The following ALDH2 variants were observed in gnomAD, a reference collection of about 807,000 sequenced individuals.
ALDH2 encodes aldehyde dehydrogenase 2 family member, also known as aldehyde dehydrogenase, mitochondrial.
In ALDH2, 44 loss-of-function variants were observed where a neutral mutation model predicts 59.6. The observed-to-expected ratio is 0.74, with a 90% CI of 0.58 to 0.95. The LOEUF (loss-of-function observed/expected upper bound fraction) is 0.95. Ranked by LOEUF, ALDH2 falls within the 40% of genes least tolerant of loss-of-function variation. The pLI is 0.00. For missense variants in ALDH2, 570 were observed against 696.3 expected, an observed-to-expected ratio of 0.82 and a Z score of 2.04; for synonymous variants, 291 against 284.0, an observed-to-expected ratio of 1.02 and a Z score of -0.25.
At chr12:111,788,197 C>A (rs1052988986) in intron 4 of ALDH2, among the ~76,000 whole-genome samples, 1 of 151,530 alleles carries the variant, frequency 6.6e-6, no homozygotes, top group Non-Finnish European at 1.5e-5. Flanking sequence ...GAGACAAGAG[C>A]GAGACTTCGT....
chr12:111,807,005 G>C (rs1440207131), intron 12 of ALDH2, among the ~76,000 whole-genome samples: 1 of 151,894 alleles, frequency 6.6e-6, no homozygotes, highest in Non-Finnish European at 1.5e-5. Context: ...GGTGGCTCAC[G>C]CCTGTAATCC....
chr12:111,809,924 TG>T lies in ALDH2; in HGVS notation c.*350del. The T allele has an allele frequency of 2.9e-6, 1 of 350,226 alleles. No homozygotes were observed. Among genetic ancestry groups the T allele is most frequent in the Non-Finnish European group, 5.3e-6 (1 of 189,400 alleles). The allele number at this position is 350,226 out of a possible 1,614,324, so 21.7% of individuals were successfully genotyped here. A position where few individuals can be genotyped will look rare whatever the true frequency, so the allele number is the denominator to read the frequency against. The stretch of plus-strand genomic sequence containing the variant: ...ACAATTATATCACCATTAAGGCAAC[TG>T]CTACACCCTGCTTTGTATTCTGGGC... On this transcript the variant is annotated 3_prime_UTR_variant, in exon 13 of 13. Transcript: ENST00000261733.
At chr12:111,798,759 C>A (rs1248469584) in intron 10 of ALDH2, among the ~76,000 whole-genome samples, 3 of 152,050 alleles carry the variant, frequency 2.0e-5, no homozygotes, top group Non-Finnish European at 4.4e-5. Context: ...GTAATCCCAA[C>A]ACTTTGGGAG....
At chr12:111,768,925 AGTGAGCTATGATTGGG>A (rs2068178751) in intron 1 of ALDH2, among the ~76,000 whole-genome samples, 26 of 152,214 alleles carry the variant, frequency 1.7e-4, no homozygotes, top group Admixed American at 1.7e-3. Context: ...TCGAGGCTGC[AGTGAGCTATGATTGGG>A]CCACTACACT....
Position 111,790,678 on chromosome 12 carries a change from C to G in ALDH2, c.681+116C>G, listed in dbSNP as rs2068351147. On this transcript the variant is annotated intron_variant, in intron 6 of 12. Coordinates refer to ENST00000261733, the MANE Select transcript of ALDH2 (RefSeq NM_000690.4). ...CAGGGAGGTGTGTTTGTGGAGCCCC[C>G]ATCACCATGTGAACCAGAGTGGCTC... 1.7e-5 allele frequency: 23 copies of G among 1,383,232 alleles called. No individual in the cohort carries two copies. In the South Asian group the frequency reaches 2.7e-4, roughly 16 times the overall value. The allele number at this position is 1,383,232 out of a possible 1,614,324, so 85.7% of individuals were successfully genotyped here.
At chr12:111,808,412 T>C (rs2068512959) in intron 12 of ALDH2, among the ~76,000 whole-genome samples, 1 of 152,110 alleles carries the variant, frequency 6.6e-6, no homozygotes, top group African/African-American at 2.4e-5. Flanking sequence ...TGTTTAAAAA[T>C]TTAAGAAAGC....
intron 10 of ALDH2, among the ~76,000 whole-genome samples, chr12:111,798,895 G>T (rs1672253399): frequency 6.6e-6 from 1 of 151,874 alleles, no homozygotes; most frequent in African/African-American, 2.4e-5. Flanking sequence ...TGAAATCCCA[G>T]CTACTCTGGA....
At chr12:111,783,369 A>G in intron 3 of ALDH2, 71 bp downstream of exon 3, 1 of 1,523,288 alleles carries the variant, frequency 6.6e-7, no homozygotes, top group Non-Finnish European at 8.9e-7. Flanking sequence ...GTGAACAGCC[A>G]GGAACCAAGC....
chr12:111,790,345 C>T, intron 5 of ALDH2, 89 bp from the exon 6 acceptor site: 1 of 1,557,070 alleles, frequency 6.4e-7, no homozygotes, highest in East Asian at 2.2e-5. Flanking sequence ...CTCGGTGCTG[C>T]TTCTGCCCTC....
intron 1 of ALDH2, 44 bp downstream of exon 1, chr12:111,767,140 T>G (rs1026044509): frequency 5.7e-6 from 8 of 1,407,636 alleles, no homozygotes; most frequent in African/African-American, 1.5e-5. Flanking sequence ...CCGGCCCGAG[T>G]CCCCCGCAGG....
At position 111,809,874 on chromosome 12, in the gene ALDH2, A is replaced by G. The variant is rs553112128; in HGVS notation, c.*299A>G. The stretch of plus-strand genomic sequence containing the variant: ...GAAACGCTTCCTATAACTCGAGTTT[A>G]TAGGGGAAGAAAAAGCTATTGTTTA... On this transcript the variant is annotated 3_prime_UTR_variant, in exon 13 of 13. Coordinates refer to ENST00000261733, the MANE Select transcript of ALDH2 (RefSeq NM_000690.4). The G allele has an allele frequency of 9.0e-5, 41 of 457,252 alleles. No individual in the cohort carries two copies. Among genetic ancestry groups the G allele is most frequent in the Non-Finnish European group, 7.1e-5 (18 of 253,834 alleles). 28.3% of individuals were successfully genotyped at this position (457,252 alleles called of 1,614,324 possible).
intron 1 of ALDH2, among the ~76,000 whole-genome samples, chr12:111,775,899 G>A (rs1412352928): frequency 6.6e-6 from 1 of 152,264 alleles, no homozygotes; most frequent in Admixed American, 6.5e-5. Context: ...GTCTGGCTCT[G>A]GGAGAAGGGA....
chr12:111,785,022 G>T (rs2068299423), intron 3 of ALDH2, among the ~76,000 whole-genome samples: 1 of 152,168 alleles, frequency 6.6e-6, no homozygotes, highest in African/African-American at 2.4e-5. Context: ...AAAAGAGTGT[G>T]TTTATGAAAT....
chr12:111,797,916 G>A (rs1034323200), intron 9 of ALDH2, among the ~76,000 whole-genome samples, 162 bp from the exon 10 acceptor site: 41 of 152,078 alleles, frequency 2.7e-4, no homozygotes, highest in Non-Finnish European at 3.2e-4. Flanking sequence ...GGCCTTTTTT[G>A]TGTTTTCTGC....
intron 1 of ALDH2, among the ~76,000 whole-genome samples, chr12:111,774,218 G>A (rs1167302840): frequency 1.3e-5 from 2 of 152,280 alleles, no homozygotes; most frequent in East Asian, 1.9e-4. Flanking sequence ...GTCTTGGTTC[G>A]GGAGTGTCCC....
chr12:111,776,842 G>A (rs112003583), intron 1 of ALDH2, among the ~76,000 whole-genome samples: 11 of 152,158 alleles, frequency 7.2e-5, no homozygotes, highest in African/African-American at 2.6e-4. Flanking sequence ...GTGACACCAT[G>A]CCCAGCTAAT....
chr12:111,801,256 C>A (rs1162161484), intron 11 of ALDH2, among the ~76,000 whole-genome samples: 1 of 152,314 alleles, frequency 6.6e-6, no homozygotes, highest in East Asian at 1.9e-4. Flanking sequence ...TGGGAAAGAC[C>A]TGGCCCCATG....
chr12:111,807,723 T>G (rs544122221), intron 12 of ALDH2, among the ~76,000 whole-genome samples: 1 of 152,180 alleles, frequency 6.6e-6, no homozygotes, highest in Non-Finnish European at 1.5e-5. Context: ...GCAGGAAGGT[T>G]GCTGGTGGTG....
chr12:111,783,377 A>G, intron 3 of ALDH2, 79 bp downstream of exon 3: 1 of 1,506,288 alleles, frequency 6.6e-7, no homozygotes, highest in Non-Finnish European at 8.9e-7. Flanking sequence ...CCAGGAACCA[A>G]GCATCCTGTG....
Sources: gnomAD v4.1 joint callset for allele counts (sites outside exome capture counted in the v4.1 genomes callset) on GRCh38, gnomAD v4.1.1 for gene constraint, MANE v1.5 for transcripts, NCBI Gene and HGNC (gene_info 2026-07-23, HGNC 2026-07-21) for gene names.